GPC5: variants seen among roughly 807,000 people sequenced by gnomAD.
The protein encoded by GPC5 is glypican 5.
Under a neutral mutation model 53.9 loss-of-function variants are expected in GPC5, and 47 were observed. That is an observed-to-expected ratio of 0.87 (90% confidence interval 0.69 to 1.11). GPC5 has a LOEUF of 1.11. GPC5 is among the 50% of genes most tolerant of loss of function. The pLI is 0.00. For missense variants in GPC5, 748 were observed against 713.1 expected (o/e 1.05, Z -0.56); for synonymous variants, 286 against 263.3 (o/e 1.09, Z -0.84).
chr13:91,882,692 T>TTTTTGGC (rs2039280126), intron 5 of GPC5, among the ~76,000 whole-genome samples: 1 of 116,060 alleles, frequency 8.6e-6, no homozygotes, highest in Admixed American at 9.4e-5. Flanking sequence ...TTTTTTTTCG[T>TTTTTGGC]AATTTCAGTC....
intron 7 of GPC5, among the ~76,000 whole-genome samples, chr13:92,600,039 A>T (rs1883997113): frequency 6.6e-6 from 1 of 152,190 alleles, no homozygotes; most frequent in Non-Finnish European, 1.5e-5. Flanking sequence ...GTAAAAAATG[A>T]TGTCAAAGGC....
At chr13:92,428,803 C>A (rs1029342794) in intron 7 of GPC5, among the ~76,000 whole-genome samples, 1 of 152,014 alleles carries the variant, frequency 6.6e-6, no homozygotes, top group African/African-American at 2.4e-5. Context: ...ATCAATCGTA[C>A]TGATTCATGT....
chr13:91,893,199 C>T (rs934335494), intron 5 of GPC5, among the ~76,000 whole-genome samples: 3 of 152,082 alleles, frequency 2.0e-5, no homozygotes, highest in Admixed American at 2.0e-4. Flanking sequence ...TGCGTCAAAT[C>T]CTAACACCTT....
chr13:92,281,153 G>A (rs1471860553), intron 7 of GPC5, among the ~76,000 whole-genome samples: 1 of 152,210 alleles, frequency 6.6e-6, no homozygotes, highest in Non-Finnish European at 1.5e-5. Flanking sequence ...CTCATTGCTA[G>A]TAAGGCAGTC....
intron 7 of GPC5, among the ~76,000 whole-genome samples, chr13:92,481,219 G>A (rs1374598227): frequency 4.6e-5 from 7 of 151,846 alleles, no homozygotes; most frequent in Non-Finnish European, 8.8e-5. Context: ...TCCTGCCTCA[G>A]CCTCCCGAGT....
At chr13:91,927,513 A>G (rs1195344294) in intron 6 of GPC5, among the ~76,000 whole-genome samples, 1 of 152,172 alleles carries the variant, frequency 6.6e-6, no homozygotes, top group African/African-American at 2.4e-5. Context: ...GCAACAAGAG[A>G]GAACTATTGT....
At chr13:91,629,510 G>A (rs1329080433) in intron 2 of GPC5, among the ~76,000 whole-genome samples, 2 of 151,970 alleles carry the variant, frequency 1.3e-5, no homozygotes, top group African/African-American at 2.4e-5. Context: ...GGGCGTGGTG[G>A]CACACACCTG....
At chr13:91,507,099 G>A (rs1884984254) in intron 2 of GPC5, among the ~76,000 whole-genome samples, 1 of 152,022 alleles carries the variant, frequency 6.6e-6, no homozygotes, top group African/African-American at 2.4e-5. Flanking sequence ...GAATACCATA[G>A]ACTGAGTGGC....
chr13:92,762,235 A>G (rs1324307875), intron 7 of GPC5, among the ~76,000 whole-genome samples: 8 of 152,182 alleles, frequency 5.3e-5, no homozygotes, highest in Non-Finnish European at 5.9e-5. Flanking sequence ...ATTAAGAAAT[A>G]CATAATATAA....
At chr13:92,074,372 C>T (rs1362034424) in intron 6 of GPC5, among the ~76,000 whole-genome samples, 1 of 152,204 alleles carries the variant, frequency 6.6e-6, no homozygotes, top group African/African-American at 2.4e-5. Context: ...AGCCATTTGA[C>T]TTCTCTGCTC....
chr13:92,038,363 GATA>G (rs1466874972), intron 6 of GPC5, among the ~76,000 whole-genome samples: 1 of 127,740 alleles, frequency 7.8e-6, no homozygotes, highest in African/African-American at 3.1e-5. Flanking sequence ...TAGATAGATA[GATA>G]GATAGATAGA....
At chr13:91,579,644 TTTGTGA>T (rs2032279491) in intron 2 of GPC5, among the ~76,000 whole-genome samples, 1 of 141,520 alleles carries the variant, frequency 7.1e-6, no homozygotes, top group African/African-American at 2.8e-5. Flanking sequence ...TTTTTTTTTT[TTTGTGA>T]TGGAGTTTCG....
intron 6 of GPC5, among the ~76,000 whole-genome samples, chr13:92,013,190 GTC>G (rs2040677334): frequency 6.6e-6 from 1 of 152,210 alleles, no homozygotes; most frequent in South Asian, 2.1e-4. Flanking sequence ...CCAAACTCTT[GTC>G]CAGCATCCAA....
chr13:92,054,154 GT>G lies in GPC5; in HGVS notation c.1402-90675del, dbSNP rs2041055379. On this transcript the variant is annotated intron_variant, in intron 6 of 7. Transcript: ENST00000377067. The stretch of plus-strand genomic sequence containing the variant: ...ATAATAAATTACTTTGGAGGGGTGT[GT>G]GTGTGTGTGTGTGTGTGTGTGTGTG... Among the ~76,000 whole-genome samples, 3 of 27,692 alleles carry G rather than the reference GT, an allele frequency of 1.1e-4. No homozygotes were observed. The South Asian group carries it at 5.4e-3, about 49-fold the overall frequency. 18.2% of individuals were successfully genotyped at this position (27,692 alleles called of 152,430 possible).
chr13:92,575,669 C>A (rs557974163), intron 7 of GPC5, among the ~76,000 whole-genome samples: 1 of 152,196 alleles, frequency 6.6e-6, no homozygotes, highest in African/African-American at 2.4e-5. Flanking sequence ...CTGAGCTGCT[C>A]ATGTAAACCC....
chr13:92,773,943 C>T lies in GPC5; in HGVS notation c.1562-92339C>T, dbSNP rs868032559. Among the ~76,000 whole-genome samples the T allele has an allele frequency of 4.6e-5, 7 of 152,310 alleles. No homozygotes were observed. In the South Asian group the frequency reaches 1.4e-3, roughly 32 times the overall value. ...AAAGGAGGAGCAAAATCATGTCTTA[C>T]ATGGCAGCAGACAAGAGAGCATGTG... On this transcript the variant is annotated intron_variant, in intron 7 of 7. Transcript: ENST00000377067.
chr13:92,477,649 AAG>A (rs147495658), intron 7 of GPC5, among the ~76,000 whole-genome samples: 2,412 of 152,250 alleles, frequency 0.016, 74 homozygotes, highest in African/African-American at 0.056. Context: ...GCCCCATGTA[AAG>A]AAGTATGTGT....
intron 7 of GPC5, among the ~76,000 whole-genome samples, chr13:92,478,027 T>C (rs888771846): frequency 3.3e-5 from 5 of 152,180 alleles, no homozygotes; most frequent in African/African-American, 9.7e-5. Context: ...TTGTTGTTCA[T>C]ACAGATAATT....
At chr13:91,725,571 A>C (rs971495649) in intron 3 of GPC5, among the ~76,000 whole-genome samples, 2 of 152,196 alleles carry the variant, frequency 1.3e-5, no homozygotes, top group Non-Finnish European at 2.9e-5. Context: ...AGAATCAGCT[A>C]TATATGCTTT....
Sources: allele counts gnomAD v4.1 joint callset (sites outside exome capture counted in the v4.1 genomes callset), GRCh38; gene constraint gnomAD v4.1.1; transcripts MANE v1.5; gene names NCBI Gene and HGNC (gene_info 2026-07-23, HGNC 2026-07-21).